ARHGEF3: variants seen among roughly 807,000 people sequenced by gnomAD.
The protein encoded by ARHGEF3 is 59.8 kDA protein.
A neutral mutation model predicts 63.2 loss-of-function variants in ARHGEF3; 28 were observed. The ratio of observed to expected loss-of-function variants is 0.44; its 90% confidence interval spans 0.33 to 0.61. ARHGEF3 has a LOEUF of 0.61. Among genes scored for constraint, ARHGEF3 ranks in the 20% least tolerant of loss-of-function variants. The pLI is 0.03. For missense variants in ARHGEF3, 533 were observed against 659.3 expected (o/e 0.81, Z 2.10); for synonymous variants, 266 against 254.2 (o/e 1.05, Z -0.44).
chr3:57,007,642 C>G (rs1015623895), intron 2 of ARHGEF3, among the ~76,000 whole-genome samples: 9 of 152,176 alleles, frequency 5.9e-5, no homozygotes, highest in African/African-American at 2.2e-4. Context: ...CGACCAGGGA[C>G]GGGTGAGTTC....
chr3:56,915,253 A>G (rs2041956691), intron 3 of ARHGEF3, among the ~76,000 whole-genome samples: 1 of 152,170 alleles, frequency 6.6e-6, no homozygotes, highest in African/African-American at 2.4e-5. Context: ...GCTTGAGCTC[A>G]GAGTTTAAGA....
chr3:56,915,700 A>G (rs1213440120), intron 3 of ARHGEF3, among the ~76,000 whole-genome samples: 1 of 152,144 alleles, frequency 6.6e-6, no homozygotes, highest in Non-Finnish European at 1.5e-5. Context: ...TCCACTGATA[A>G]TATCTGACTT....
chr3:56,908,605 A>C (rs1405937189), intron 3 of ARHGEF3, among the ~76,000 whole-genome samples: 1 of 152,212 alleles, frequency 6.6e-6, no homozygotes, highest in East Asian at 1.9e-4. Flanking sequence ...CATGATCCAT[A>C]AAACTGATAC....
intron 2 of ARHGEF3, among the ~76,000 whole-genome samples, chr3:57,019,324 C>T (rs754210446): frequency 5.9e-5 from 9 of 152,178 alleles, no homozygotes; most frequent in African/African-American, 1.7e-4. Context: ...CACAATTCTT[C>T]AGGATCAGGT....
intron 2 of ARHGEF3, among the ~76,000 whole-genome samples, chr3:57,004,127 C>T (rs887963167): frequency 3.3e-5 from 5 of 152,268 alleles, no homozygotes; most frequent in African/African-American, 9.6e-5. Context: ...GGGCCCCAGC[C>T]GTGCCCAGTG....
intron 4 of ARHGEF3, among the ~76,000 whole-genome samples, chr3:56,820,776 T>A (rs577685570): frequency 1.6e-4 from 25 of 152,176 alleles, no homozygotes; most frequent in Admixed American, 3.3e-4. Context: ...AAGTAAAATT[T>A]GAATATGAGG....
intron 1 of ARHGEF3, among the ~76,000 whole-genome samples, chr3:57,048,519 T>C (rs1474698633): frequency 6.6e-6 from 1 of 152,136 alleles, no homozygotes; most frequent in East Asian, 1.9e-4. Flanking sequence ...ATAATCATTC[T>C]TCTGTGTCCA....
At chr3:57,012,761 A>C (rs1192560757) in intron 2 of ARHGEF3, among the ~76,000 whole-genome samples, 1 of 152,214 alleles carries the variant, frequency 6.6e-6, no homozygotes, top group East Asian at 1.9e-4. Context: ...GTGCCTCCTC[A>C]GCCTTGGCGC....
At chr3:56,774,942 T>C in intron 1 of ARHGEF3, 3 of 1,287,126 alleles carry the variant, frequency 2.3e-6, no homozygotes, top group Non-Finnish European at 2.1e-6. Context: ...AAAAACAGGC[T>C]ATGGGGAAGA....
rs191851489 is a variant in ARHGEF3 at position 56,741,689 on chromosome 3, G to C, written c.870+3516C>G. ...CAGCTAATTTTTTGTATTTTTAGTAGAGACGGGGTTTCACTGTGTTAGCCA... is the reference window on the plus strand; with the variant it reads ...CAGCTAATTTTTTGTATTTTTAGTACAGACGGGGTTTCACTGTGTTAGCCA... On this transcript the variant is annotated intron_variant, in intron 7 of 9. Coordinates refer to ENST00000296315, the MANE Select transcript of ARHGEF3 (RefSeq NM_019555.3). Among the ~76,000 whole-genome samples the C allele has an allele frequency of 7.3e-5, 11 of 150,902 alleles. No homozygotes were observed. In the East Asian group the frequency reaches 2.0e-3, roughly 27 times the overall value.
At chr3:57,026,176 G>C (rs1703465605) in intron 2 of ARHGEF3, among the ~76,000 whole-genome samples, 1 of 152,142 alleles carries the variant, frequency 6.6e-6, no homozygotes, top group African/African-American at 2.4e-5. Flanking sequence ...AAGGCAGAAG[G>C]ATCACTTGAG....
intron 3 of ARHGEF3, among the ~76,000 whole-genome samples, chr3:56,908,554 T>C (rs527376567): frequency 6.6e-6 from 1 of 152,210 alleles, no homozygotes; most frequent in African/African-American, 2.4e-5. Flanking sequence ...ATCCATGTCT[T>C]TGGCTTCAGA....
At chr3:56,737,938 A>G (rs6793398) in intron 7 of ARHGEF3, among the ~76,000 whole-genome samples, 26,165 of 152,028 alleles carry the variant, frequency 0.17, 2,629 homozygotes, top group South Asian at 0.38. Flanking sequence ...GCACAATCTC[A>G]GCTCACTGCA....
chr3:56,944,282 T>C (rs968523746), intron 3 of ARHGEF3, among the ~76,000 whole-genome samples: 4 of 152,162 alleles, frequency 2.6e-5, no homozygotes, highest in Admixed American at 6.5e-5. Flanking sequence ...AAATCTTCTG[T>C]AAAGGATTCA....
rs2034989125 is a variant in ARHGEF3, at chr3:56,755,111, A to C, written c.245T>G (p.Leu82Arg). 1 of 1,613,914 alleles carries C rather than the reference A, an allele frequency of 6.2e-7. No homozygotes were observed. Among genetic ancestry groups the C allele is most frequent in the East Asian group, 2.2e-5 (1 of 44,884 alleles). Residue 82 changes from leucine to arginine, a missense_variant, in exon 3 of 10, where the codon CTC (leucine) becomes CGC (arginine). By Grantham distance (102) the Leu-to-Arg change is moderately radical. This residue lies in a region of ARHGEF3 where 160 missense variants were observed against 157.3 expected (regional missense o/e 1.02). Coordinates refer to ENST00000296315, the MANE Select transcript of ARHGEF3 (RefSeq NM_019555.3). ...SFRSESRPDI[L>R]APRPWSRNAA... ...ATTTCTGGACCAGGGTCGGGGGGCGAGGATGTCAGGGCGGCTCTCACTGCG... is the reference window on the plus strand; with the variant it reads ...ATTTCTGGACCAGGGTCGGGGGGCGCGGATGTCAGGGCGGCTCTCACTGCG...
intron 1 of ARHGEF3, among the ~76,000 whole-genome samples, chr3:57,077,205 C>T (rs896890306): frequency 6.6e-6 from 1 of 152,194 alleles, no homozygotes; most frequent in African/African-American, 2.4e-5. Flanking sequence ...CACAGCCTGC[C>T]TCTCTTTCCC....
intron 2 of ARHGEF3, among the ~76,000 whole-genome samples, chr3:56,989,173 A>G (rs1701652266): frequency 6.6e-6 from 1 of 152,222 alleles, no homozygotes; most frequent in South Asian, 2.1e-4. Context: ...AGTCTCAAGT[A>G]CCCTATTTAG....
At chr3:56,953,065 A>G (rs976518570) in intron 3 of ARHGEF3, among the ~76,000 whole-genome samples, 1 of 152,198 alleles carries the variant, frequency 6.6e-6, no homozygotes, top group African/African-American at 2.4e-5. Flanking sequence ...AATACATACT[A>G]TCTACCAGGC....
intron 3 of ARHGEF3, among the ~76,000 whole-genome samples, chr3:56,925,058 TC>T (rs372825079): frequency 1.4e-3 from 211 of 152,320 alleles, no homozygotes; most frequent in African/African-American, 4.5e-3. Context: ...CTTCCCAGCC[TC>T]CCTTGCAGCC....
Sources: allele counts gnomAD v4.1 joint callset (sites outside exome capture counted in the v4.1 genomes callset), GRCh38; gene constraint gnomAD v4.1.1; regional missense constraint gnomAD v4.1.1; transcripts MANE v1.5; gene names NCBI Gene and HGNC (gene_info 2026-07-23, HGNC 2026-07-21).